Variants in PANK4 observed in about 807,000 individuals in gnomAD.
PANK4 encodes 4'-phosphopantetheine phosphatase.
In PANK4, 40 loss-of-function variants were observed where a neutral mutation model predicts 87.9. The observed-to-expected ratio is 0.46, with a 90% CI of 0.35 to 0.59. The LOEUF is 0.59. Among genes scored for constraint, PANK4 ranks in the 20% least tolerant of loss-of-function variants. The pLI is 0.00. For missense variants in PANK4, 926 were observed against 1,072.3 expected (o/e 0.86, Z 1.90); for synonymous variants, 524 against 467.4 (o/e 1.12, Z -1.56).
rs1282805510 is a variant in PANK4, at chr1:2,521,187, G to C, written c.336C>G (p.Leu112=). The change falls in exon 3 of 19, where the codon CTC becomes CTG. Residue 112 remains leucine (L), a synonymous_variant. Coordinates refer to ENST00000378466, the MANE Select transcript of PANK4 (RefSeq NM_018216.4). ...GGATGACCTTGGTCTCTGTGTTGAC[G>C]AGATGGTCTTTGATGAAGTCCAGGC... ...EACLDFIKDH[L]VNTETKVIQA... The C allele has an allele frequency of 2.5e-6, 4 of 1,613,828 alleles. No homozygotes were observed. The highest frequency in any genetic ancestry group is 3.4e-6 in the Non-Finnish European group (4 of 1,179,984).
intron 15 of PANK4, among the ~76,000 whole-genome samples, chr1:2,511,130 G>A (rs2100770638): frequency 6.6e-6 from 1 of 152,344 alleles, no homozygotes; most frequent in African/African-American, 2.4e-5. Flanking sequence ...GCAAGGCTTT[G>A]TGCCTAGAGC....
rs879622610 is a variant in PANK4, at chr1:2,510,853, C to T, written c.1834-71G>A. On this transcript the variant is annotated intron_variant, in intron 15 of 18. Coordinates refer to ENST00000378466, the MANE Select transcript of PANK4 (RefSeq NM_018216.4). The surrounding 1 kb of genome is among the most constrained non-coding windows in gnomAD (Gnocchi z 4.9). ...AGCGAGTCAGTCCGCACCCCTGCTG[C>T]CCGTCACGCTGCCCTGCAGGGGCCG... 1.2e-5 allele frequency: 11 copies of T among 891,254 alleles called. No individual in the cohort carries two copies. The highest frequency in any genetic ancestry group is 1.7e-5 in the Non-Finnish European group (9 of 528,278). 55.2% of individuals were successfully genotyped at this position (891,254 alleles called of 1,614,324 possible). A position where few individuals can be genotyped will look rare whatever the true frequency, so the allele number is the denominator to read the frequency against.
In PANK4 at chr1:2,520,468, T is replaced by TCCCCCGC. The variant is rs1043763098; in HGVS notation, c.607-61_607-55dup. ...TCAGTGGGCCCTCAGCCACACAGGCTCCCCCGCCCCCCGCCCCATGTGCTG... is the reference window on the plus strand; with the variant it reads ...TCAGTGGGCCCTCAGCCACACAGGCTCCCCCGCCCCCCGCCCCCCGCCCCATGTGCTG... On this transcript the variant is annotated intron_variant, in intron 4 of 18. Coordinates refer to ENST00000378466, the MANE Select transcript of PANK4 (RefSeq NM_018216.4). This position sits in a 1 kb window ranked among gnomAD's most constrained non-coding sequence, Gnocchi z 6.2. 13 of 1,473,240 alleles carry TCCCCCGC rather than the reference T, an allele frequency of 8.8e-6. No individual in the cohort carries two copies. The highest frequency in any genetic ancestry group is 1.1e-5 in the South Asian group (1 of 87,914). 91.3% of individuals were successfully genotyped at this position (1,473,240 alleles called of 1,614,324 possible).
At chr1:2,524,764 A>G (rs3122922) in intron 1 of PANK4, among the ~76,000 whole-genome samples, 126,434 of 152,214 alleles carry the variant, frequency 0.83, 52,917 homozygotes, top group East Asian at 0.97. Flanking sequence ...GAAACATTTA[A>G]TCCCGACTTG....
chr1:2,521,799 G>C lies in PANK4; in HGVS notation c.126C>G (p.Gly42=), dbSNP rs146980059. 1.9e-6 allele frequency: 3 copies of C among 1,613,332 alleles called. No homozygotes were observed. Among genetic ancestry groups the C allele is most frequent in the Non-Finnish European group, 2.5e-6 (3 of 1,179,462 alleles). Reference sequence around the variant, plus strand: ...AGTAGGCCAGCTTGGTTAACGACCCGCCTGCAGGGGAGACACAAACCGGGC... The same window carrying C: ...AGTAGGCCAGCTTGGTTAACGACCCCCCTGCAGGGGAGACACAAACCGGGC... ...ENAKRFAIDI[G]GSLTKLAYYS... is the part of the protein sequence containing the mutation. Residue 42 remains glycine (G), a splice_region_variant and synonymous_variant, in exon 2 of 19, where the codon GGC becomes GGG. Transcript: ENST00000378466.
chr1:2,521,578 G>T, intron 2 of PANK4, 140 bp downstream of exon 2: 1 of 796,002 alleles, frequency 1.3e-6, no homozygotes, highest in Non-Finnish European at 2.2e-6. Flanking sequence ...GGAAGGCAGG[G>T]GAGGCTGTCC....
intron 15 of PANK4, 90 bp downstream of exon 15, chr1:2,511,248 G>A (rs1218116817): frequency 6.9e-6 from 6 of 863,434 alleles, no homozygotes; most frequent in African/African-American, 6.7e-5. Context: ...AGGGCCACCC[G>A]AGGCAGCCCA....
rs144828340 is a variant in PANK4, at chr1:2,511,247, C to T, written c.1833+91G>A. The T allele has an allele frequency of 0.03, 25,362 of 853,676 alleles. 486 individuals are homozygous for T. The highest frequency in any genetic ancestry group is 0.039 in the Non-Finnish European group (19,579 of 502,132). 52.9% of individuals were successfully genotyped at this position (853,676 alleles called of 1,614,324 possible). A position where few individuals can be genotyped will look rare whatever the true frequency, so the allele number is the denominator to read the frequency against. The stretch of plus-strand genomic sequence containing the variant: ...ACTCTAACAGGAGGGGAGGGCCACC[C>T]GAGGCAGCCCATGCCCACCTCCCTC... On this transcript the variant is annotated intron_variant, in intron 15 of 18. Coordinates refer to ENST00000378466, the MANE Select transcript of PANK4 (RefSeq NM_018216.4).
At position 2,515,422 on chromosome 1, in the gene PANK4, C is replaced by A; in HGVS notation, c.1374+140G>T. 1 of 966,090 alleles carries A rather than the reference C, an allele frequency of 1.0e-6. No individual in the cohort carries two copies. The highest frequency in any genetic ancestry group is 1.6e-6 in the Non-Finnish European group (1 of 617,862). The allele number at this position is 966,090 out of a possible 1,614,324, so 59.8% of individuals were successfully genotyped here. A position where few individuals can be genotyped will look rare whatever the true frequency, so the allele number is the denominator to read the frequency against. On this transcript the variant is annotated intron_variant, in intron 10 of 18. Coordinates refer to ENST00000378466, the MANE Select transcript of PANK4 (RefSeq NM_018216.4). This position sits in a 1 kb window ranked among gnomAD's most constrained non-coding sequence, Gnocchi z 5.0. ...TTTGCCTGAGAAACCAAAATCGCCC[C>A]CTCACTCAGACGCAGATCAAGGGGT...
intron 1 of PANK4, among the ~76,000 whole-genome samples, chr1:2,522,794 T>C (rs1643887336): frequency 6.6e-6 from 1 of 152,140 alleles, no homozygotes; most frequent in Non-Finnish European, 1.5e-5. Context: ...TATGGTGCTA[T>C]AGTGACTTAA....
At chr1:2,526,379 C>T (rs1216727955) in intron 1 of PANK4, 85 bp downstream of exon 1, 4 of 812,282 alleles carry the variant, frequency 4.9e-6, no homozygotes, top group East Asian at 2.5e-4. Context: ...CGCCCTTCGT[C>T]CTTCCCGCCG....
At chr1:2,516,295 C>T (rs1004014159) in intron 9 of PANK4, among the ~76,000 whole-genome samples, 45 of 152,164 alleles carry the variant, frequency 3.0e-4, no homozygotes, top group African/African-American at 1.0e-3. Context: ...CCTCCCAGCA[C>T]GTTCTGTCCA....
At position 2,515,274 on chromosome 1, in the gene PANK4, C is replaced by T. The variant is rs755578222; in HGVS notation, c.1374+288G>A. The T allele has an allele frequency of 2.9e-5, 18 of 620,976 alleles. No homozygotes were observed. The highest frequency in any genetic ancestry group is 7.6e-5 in the South Asian group (5 of 66,002). The allele number at this position is 620,976 out of a possible 1,614,324, so 38.5% of individuals were successfully genotyped here. ...CAGTCACACCTCAAAAGAGCAGAGA[C>T]GTCTCCTAAATTGCTTTTTGAAGGA... On this transcript the variant is annotated intron_variant, in intron 10 of 18. Coordinates refer to ENST00000378466, the MANE Select transcript of PANK4 (RefSeq NM_018216.4). This position sits in a 1 kb window ranked among gnomAD's most constrained non-coding sequence, Gnocchi z 5.0.
chr1:2,520,909 G>T lies in PANK4; in HGVS notation c.423-3C>A, dbSNP rs577031370. On this transcript the variant is annotated splice_region_variant and splice_polypyrimidine_tract_variant and intron_variant, in intron 3 of 18. Coordinates refer to ENST00000378466, the MANE Select transcript of PANK4 (RefSeq NM_018216.4). The surrounding 1 kb of genome is among the most constrained non-coding windows in gnomAD (Gnocchi z 6.2). The stretch of plus-strand genomic sequence containing the variant: ...TCATCACGTCCTCCTTGTCGACTCT[G>T]AAAAGGAAGCGCCAACCCCTTAAAG... 2 of 1,544,748 alleles carry T rather than the reference G, an allele frequency of 1.3e-6. No individual in the cohort carries two copies. Among genetic ancestry groups the T allele is most frequent in the African/African-American group, 1.4e-5 (1 of 72,630 alleles).
Position 2,509,644 on chromosome 1 carries a change from A to C in PANK4, c.2108+218T>G. 1.7e-6 allele frequency: 1 copy of C among 603,944 alleles called. No individual in the cohort carries two copies. The highest frequency in any genetic ancestry group is 3.0e-6 in the Non-Finnish European group (1 of 333,354). The allele number at this position is 603,944 out of a possible 1,614,324, so 37.4% of individuals were successfully genotyped here. A position where few individuals can be genotyped will look rare whatever the true frequency, so the allele number is the denominator to read the frequency against. ...TGCCCCAAGTCCCCAAACCCAGCCC[A>C]TGTGTAACCACCTCAGACCCTGAAT... On this transcript the variant is annotated intron_variant, in intron 18 of 18. Transcript: ENST00000378466. This position sits in a 1 kb window ranked among gnomAD's most constrained non-coding sequence, Gnocchi z 4.9.
intron 11 of PANK4, 71 bp downstream of exon 11, chr1:2,514,283 G>T: frequency 7.7e-7 from 1 of 1,301,952 alleles, no homozygotes. Context: ...CAACATCACG[G>T]CACTTTCTCA....
chr1:2,509,854 G>T lies in PANK4; in HGVS notation c.2108+8C>A. On this transcript the variant is annotated splice_region_variant and intron_variant, in intron 18 of 18. Transcript: ENST00000378466. This position sits in a 1 kb window ranked among gnomAD's most constrained non-coding sequence, Gnocchi z 4.9. ...GAGGGAGAGAACAGGTGCAGGGTGC[G>T]GGGTTACCTGAGGTCGAGGCACGGG... 6.2e-7 allele frequency: 1 copy of T among 1,609,860 alleles called. No homozygotes were observed. Among genetic ancestry groups the T allele is most frequent in the Non-Finnish European group, 8.5e-7 (1 of 1,178,514 alleles).
At chr1:2,526,282 C>A (rs773271827) in intron 1 of PANK4, 182 bp downstream of exon 1, 20 of 187,392 alleles carry the variant, frequency 1.1e-4, no homozygotes, top group Non-Finnish European at 1.7e-4. Context: ...CGCGCATCAG[C>A]GACCCTGCGG....
rs769830795 is a variant in PANK4, at chr1:2,520,432, C to T, written c.607-18G>A. ...GTCTCCACCTGCAACAGAGCCAGGG[C>T]AGGTGTGCCCTCAGTGGGCCCTCAG... On this transcript the variant is annotated intron_variant, in intron 4 of 18. Transcript: ENST00000378466. This position sits in a 1 kb window ranked among gnomAD's most constrained non-coding sequence, Gnocchi z 6.2. The T allele has an allele frequency of 9.3e-6, 15 of 1,608,324 alleles. No homozygotes were observed. The highest frequency in any genetic ancestry group is 3.3e-4 in the Middle Eastern group (2 of 6,024).
Sources: allele counts gnomAD v4.1 joint callset (sites outside exome capture counted in the v4.1 genomes callset), GRCh38; gene constraint gnomAD v4.1.1; non-coding constraint Gnocchi (gnomAD v3.1); transcripts MANE v1.5; gene names NCBI Gene and HGNC (gene_info 2026-07-23, HGNC 2026-07-21).